The following IMMP2L variants were observed in gnomAD, a reference collection of about 807,000 sequenced individuals.
The protein encoded by IMMP2L is inner mitochondrial membrane peptidase subunit 2.
IMMP2L carries 18 observed loss-of-function variants against 19.3 expected under a neutral mutation model. The ratio of observed to expected loss-of-function variants is 0.93; its 90% CI spans 0.64 to 1.38. The LOEUF (loss-of-function observed/expected upper bound fraction) is 1.38, where lower values mean the gene tolerates loss of function less well. IMMP2L is among the 40% of genes most tolerant of loss of function. IMMP2L has a pLI of 0.00. For missense variants in IMMP2L, 233 were observed against 218.2 expected (o/e 1.07, Z -0.43); for synonymous variants, 76 against 73.0 (o/e 1.04, Z -0.21).
intron 3 of IMMP2L, among the ~76,000 whole-genome samples, chr7:111,278,804 ATT>A (rs1053034543): frequency 6.6e-6 from 1 of 151,620 alleles, no homozygotes; most frequent in African/African-American, 2.4e-5. Flanking sequence ...GATCAAAACT[ATT>A]TCCTTGAAAT....
At chr7:110,740,999 G>A (rs1796955115) in intron 5 of IMMP2L, among the ~76,000 whole-genome samples, 1 of 151,252 alleles carries the variant, frequency 6.6e-6, no homozygotes, top group Non-Finnish European at 1.5e-5. Flanking sequence ...CTACCCAGAG[G>A]AAAAGAAGTC....
At chr7:111,469,236 G>A (rs919690552) in intron 3 of IMMP2L, among the ~76,000 whole-genome samples, 3 of 152,026 alleles carry the variant, frequency 2.0e-5, no homozygotes, top group East Asian at 1.9e-4. Context: ...TTGGCGATGC[G>A]GGCTCTTTTT....
chr7:111,147,101 T>C (rs2129601139), intron 3 of IMMP2L, among the ~76,000 whole-genome samples: 1 of 152,282 alleles, frequency 6.6e-6, no homozygotes, highest in South Asian at 2.1e-4. Flanking sequence ...CTAATCTTGT[T>C]TTAGAGACTC....
chr7:111,085,472 C>A (rs1363208004), intron 3 of IMMP2L, among the ~76,000 whole-genome samples: 1 of 152,142 alleles, frequency 6.6e-6, no homozygotes, highest in African/African-American at 2.4e-5. Flanking sequence ...TCCCATTAAT[C>A]TAGTAAGGAC....
At chr7:111,018,165 A>T (rs1825897395) in intron 3 of IMMP2L, among the ~76,000 whole-genome samples, 1 of 152,164 alleles carries the variant, frequency 6.6e-6, no homozygotes, top group Admixed American at 6.5e-5. Flanking sequence ...GGAATGTAAT[A>T]ATTTCCTATA....
chr7:110,935,892 C>A (rs1182341649), intron 4 of IMMP2L, among the ~76,000 whole-genome samples: 9 of 152,020 alleles, frequency 5.9e-5, no homozygotes, highest in Non-Finnish European at 1.0e-4. Context: ...AGAAATAATG[C>A]CACACATCTA....
chr7:111,173,079 G>C (rs2129609477), intron 3 of IMMP2L, among the ~76,000 whole-genome samples: 1 of 151,614 alleles, frequency 6.6e-6, no homozygotes, highest in Non-Finnish European at 1.5e-5. Context: ...GAGAGTTTAG[G>C]TCATAAAAAG....
intron 3 of IMMP2L, among the ~76,000 whole-genome samples, chr7:111,226,762 T>C (rs923791691): frequency 6.6e-6 from 1 of 152,128 alleles, no homozygotes; most frequent in Non-Finnish European, 1.5e-5. Context: ...CTTTGATTCA[T>C]TTCCCCAAAA....
intron 3 of IMMP2L, chr7:111,394,995 G>T: frequency 4.1e-6 from 1 of 240,978 alleles, no homozygotes; most frequent in Non-Finnish European, 9.1e-6. Flanking sequence ...TCACTGTGGA[G>T]CTGTGCATTA....
At chr7:111,521,009 G>T (rs768834711) in intron 2 of IMMP2L, among the ~76,000 whole-genome samples, 1 of 152,024 alleles carries the variant, frequency 6.6e-6, no homozygotes, top group African/African-American at 2.4e-5. Context: ...TTCTAATAGA[G>T]CCATATTCAC....
chr7:111,003,574 T>C (rs1823957411), intron 3 of IMMP2L, among the ~76,000 whole-genome samples: 1 of 151,990 alleles, frequency 6.6e-6, no homozygotes, highest in South Asian at 2.1e-4. Context: ...TGCAGTGGTG[T>C]GATCACAGCT....
At chr7:110,938,886 T>C (rs1816402325) in intron 4 of IMMP2L, among the ~76,000 whole-genome samples, 1 of 152,134 alleles carries the variant, frequency 6.6e-6, no homozygotes, top group Admixed American at 6.6e-5. Context: ...TGCAAATAAT[T>C]TTTCTTGACT....
In IMMP2L at chr7:110,706,794, T is replaced by C. The variant is rs1228883688; in HGVS notation, c.409-43073A>G. 2.0e-5 allele frequency among the ~76,000 whole-genome samples: 3 copies of C among 152,116 alleles called. No homozygotes were observed. In the East Asian group the frequency reaches 5.8e-4, roughly 29 times the overall value. On this transcript the variant is annotated intron_variant, in intron 5 of 5. Coordinates refer to ENST00000405709, the MANE Select transcript of IMMP2L (RefSeq NM_032549.4). Reference sequence around the variant, plus strand: ...TGAATATTTTCTCTTATTCTGTAGGTTGCCTGCTTACTCTATTGATAGTTT... The same window carrying C: ...TGAATATTTTCTCTTATTCTGTAGGCTGCCTGCTTACTCTATTGATAGTTT...
chr7:110,939,272 T>C (rs1687319266), intron 4 of IMMP2L, among the ~76,000 whole-genome samples: 2 of 152,008 alleles, frequency 1.3e-5, no homozygotes, highest in South Asian at 4.2e-4. Flanking sequence ...GCTGCATTCC[T>C]GGGTGTTTCC....
chr7:111,313,400 A>G (rs954268782), intron 3 of IMMP2L, among the ~76,000 whole-genome samples: 2 of 152,152 alleles, frequency 1.3e-5, no homozygotes, highest in Non-Finnish European at 2.9e-5. Flanking sequence ...AGATATATAG[A>G]TAAGAGATAA....
At chr7:110,847,156 T>G (rs539598469) in intron 5 of IMMP2L, among the ~76,000 whole-genome samples, 1 of 152,322 alleles carries the variant, frequency 6.6e-6, no homozygotes, top group South Asian at 2.1e-4. Context: ...TAAATTATGC[T>G]GATTTAAAAA....
chr7:110,855,750 G>C (rs986529011), intron 5 of IMMP2L, among the ~76,000 whole-genome samples: 4 of 151,768 alleles, frequency 2.6e-5, no homozygotes, highest in African/African-American at 9.7e-5. Context: ...AAGATTTCTT[G>C]CCAAACATAT....
At chr7:110,970,025 T>A (rs1373515402) in intron 3 of IMMP2L, among the ~76,000 whole-genome samples, 1 of 152,172 alleles carries the variant, frequency 6.6e-6, no homozygotes, top group African/African-American at 2.4e-5. Flanking sequence ...CTTGGTTAAA[T>A]GTTGGAGTTA....
intron 5 of IMMP2L, among the ~76,000 whole-genome samples, chr7:110,750,776 G>A (rs1420618905): frequency 6.6e-5 from 10 of 152,000 alleles, no homozygotes; most frequent in Admixed American, 4.6e-4. Context: ...GAACAAGGCC[G>A]GACGAGGGTG....
Sources: allele counts gnomAD v4.1 joint callset (sites outside exome capture counted in the v4.1 genomes callset), GRCh38; gene constraint gnomAD v4.1.1; transcripts MANE v1.5; gene names NCBI Gene and HGNC (gene_info 2026-07-23, HGNC 2026-07-21).